CDKL1: variants seen among roughly 807,000 people sequenced by gnomAD.
CDKL1 encodes cyclin dependent kinase like 1.
Under a neutral mutation model 42.0 loss-of-function variants are expected in CDKL1, and 41 were observed. That is an observed-to-expected ratio of 0.98 (90% CI 0.76 to 1.27). CDKL1 has a LOEUF of 1.27. CDKL1 is among the 50% of genes most tolerant of loss of function. CDKL1 has a pLI of 0.00. For synonymous variants in CDKL1, 153 were observed against 158.6 expected (o/e 0.96, Z 0.26); for missense variants, 394 against 428.4 (o/e 0.92, Z 0.71).
At chr14:50,392,336 C>T (rs2139554347) in intron 2 of CDKL1, among the ~76,000 whole-genome samples, 1 of 152,084 alleles carries the variant, frequency 6.6e-6, no homozygotes, top group African/African-American at 2.4e-5. Context: ...ATCCCAGCTA[C>T]TTGGGAGGCT....
rs1003182439 is a variant in CDKL1 at position 50,326,887 on chromosome 14, A to T, written c.*3187T>A. The T allele has an allele frequency of 1.1e-5, 4 of 369,046 alleles. No homozygotes were observed. Among genetic ancestry groups the T allele is most frequent in the East Asian group, 1.6e-4 (1 of 6,092 alleles). 22.9% of individuals were successfully genotyped at this position (369,046 alleles called of 1,614,324 possible). ...GAGACCCCATCTCTAAAAAAATTTT[A>T]AAAATTAGGCAGGCATGGTGGTGCA... On this transcript the variant is annotated 3_prime_UTR_variant, in exon 10 of 10. Transcript: ENST00000395834.
intron 3 of CDKL1, among the ~76,000 whole-genome samples, chr14:50,356,347 G>T (rs1388179657): frequency 6.6e-6 from 1 of 152,058 alleles, no homozygotes; most frequent in Admixed American, 6.6e-5. Flanking sequence ...TTTGCCCAAG[G>T]TCACACAGAT....
chr14:50,332,903 CTTTT>C (rs35560184), intron 8 of CDKL1: 6,286 of 260,206 alleles, frequency 0.024, 1 homozygote, highest in East Asian at 0.041. Context: ...AAATCAGCTA[CTTTT>C]TTTTTTTTTT....
intron 2 of CDKL1, among the ~76,000 whole-genome samples, chr14:50,373,431 T>C (rs946031602): frequency 2.0e-5 from 3 of 152,196 alleles, no homozygotes; most frequent in Non-Finnish European, 4.4e-5. Context: ...GCCATTTATT[T>C]CCTAACCAGC....
chr14:50,387,599 A>G (rs1372936336), intron 2 of CDKL1, among the ~76,000 whole-genome samples: 1 of 151,856 alleles, frequency 6.6e-6, no homozygotes, highest in South Asian at 2.1e-4. Flanking sequence ...TCCACTTTAG[A>G]TCAGACATGA....
intron 5 of CDKL1, among the ~76,000 whole-genome samples, chr14:50,341,470 G>GCT (rs1159125050): frequency 7.5e-6 from 1 of 133,740 alleles, no homozygotes. Flanking sequence ...GGGGGGGGGG[G>GCT]GGTTATTTGG....
At chr14:50,364,552 G>A (rs1400450795) in intron 2 of CDKL1, among the ~76,000 whole-genome samples, 1 of 152,070 alleles carries the variant, frequency 6.6e-6, no homozygotes, top group East Asian at 1.9e-4. Flanking sequence ...CAAATAACAT[G>A]TAGGTTCTTT....
intron 3 of CDKL1, among the ~76,000 whole-genome samples, chr14:50,349,835 C>T (rs1595296652): frequency 6.6e-6 from 1 of 152,142 alleles, no homozygotes; most frequent in African/African-American, 2.4e-5. Flanking sequence ...GTGGTGCTAT[C>T]TTGGCTCACT....
intron 2 of CDKL1, among the ~76,000 whole-genome samples, chr14:50,389,047 C>T (rs953123201): frequency 4.3e-5 from 6 of 140,244 alleles, no homozygotes; most frequent in Middle Eastern, 7.6e-3. Context: ...TGCAGTGAGC[C>T]GAGATTGCGC....
chr14:50,337,833 A>C (rs4901019), intron 7 of CDKL1, among the ~76,000 whole-genome samples: 79,728 of 151,458 alleles, frequency 0.53, 21,468 homozygotes, highest in East Asian at 0.63. Flanking sequence ...GGTGCGTGCC[A>C]CCATGCTAGG....
intron 3 of CDKL1, among the ~76,000 whole-genome samples, chr14:50,348,908 C>G (rs1216141396): frequency 1.3e-5 from 2 of 151,872 alleles, no homozygotes; most frequent in African/African-American, 2.4e-5. Flanking sequence ...CAGGATACTA[C>G]AAGAAAATGG....
At chr14:50,334,658 G>A (rs779681516) in intron 7 of CDKL1, 37 bp from the exon 8 acceptor site, 1 of 1,225,512 alleles carries the variant, frequency 8.2e-7, no homozygotes. Context: ...TTTACAGCAT[G>A]TATTCAAATT....
chr14:50,372,585 A>G (rs1248591669), intron 2 of CDKL1, among the ~76,000 whole-genome samples: 1 of 152,088 alleles, frequency 6.6e-6, no homozygotes, highest in Non-Finnish European at 1.5e-5. Context: ...TTTGTTGCCT[A>G]TGCTTTTGGA....
upstream of CDKL1, chr14:50,397,052 C>T (rs1157489034): frequency 3.1e-5 from 41 of 1,318,644 alleles, no homozygotes; most frequent in Non-Finnish European, 4.1e-5. Context: ...TGGGAGCTGT[C>T]CTGACCGCGG....
At chr14:50,365,883 C>A (rs2034423810) in intron 2 of CDKL1, among the ~76,000 whole-genome samples, 1 of 152,178 alleles carries the variant, frequency 6.6e-6, no homozygotes, top group Admixed American at 6.5e-5. Flanking sequence ...TGCTTCCTGC[C>A]CTCGAACATT....
intron 2 of CDKL1, among the ~76,000 whole-genome samples, chr14:50,376,137 A>G (rs6572665): frequency 0.78 from 117,603 of 151,632 alleles, 46,052 homozygotes; most frequent in African/African-American, 0.88. Context: ...AATAAAGTAT[A>G]GATGGACTTC....
At chr14:50,371,046 C>G (rs2034577036) in intron 2 of CDKL1, among the ~76,000 whole-genome samples, 1 of 152,210 alleles carries the variant, frequency 6.6e-6, no homozygotes, top group Admixed American at 6.5e-5. Flanking sequence ...GCATAATGTT[C>G]CCCAATTTCA....
intron 3 of CDKL1, among the ~76,000 whole-genome samples, chr14:50,350,981 G>T (rs2033884781): frequency 6.6e-6 from 1 of 152,142 alleles, no homozygotes; most frequent in African/African-American, 2.4e-5. Context: ...GCTCTCCACT[G>T]GTGTGACCTC....
Position 50,341,120 on chromosome 14 carries a change from G to A in CDKL1, c.567C>T (p.Gly189=). The A allele has an allele frequency of 6.2e-7, 1 of 1,614,176 alleles. No homozygotes were observed. The highest frequency in any genetic ancestry group is 8.5e-7 in the Non-Finnish European group (1 of 1,180,034). Residue 189 remains glycine (G), a synonymous_variant, in exon 6 of 10, where the codon GGC becomes GGT. Coordinates refer to ENST00000395834, the MANE Select transcript of CDKL1 (RefSeq NM_004196.7). The part of the protein sequence containing the change: ...YGPPVDVWAI[G]CVFAELLSGV... ...CTGACAGCAGCTCAGCAAAGACACAGCCAATTGCCCAAACATCCACCGGGG... is the reference window on the plus strand; with the variant it reads ...CTGACAGCAGCTCAGCAAAGACACAACCAATTGCCCAAACATCCACCGGGG...
Sources: allele counts gnomAD v4.1 joint callset (sites outside exome capture counted in the v4.1 genomes callset), GRCh38; gene constraint gnomAD v4.1.1; transcripts MANE v1.5; gene names NCBI Gene and HGNC (gene_info 2026-07-23, HGNC 2026-07-21).